ESYT2: variants seen among roughly 807,000 people sequenced by gnomAD.
ESYT2 encodes extended synaptotagmin 2.
ESYT2 carries 54 observed loss-of-function variants against 107.2 expected under a neutral mutation model. That is an observed-to-expected ratio of 0.50 (90% CI 0.40 to 0.63). ESYT2 has a LOEUF of 0.63. Among genes scored for constraint, ESYT2 ranks in the 30% least tolerant of loss-of-function variants. The probability of loss-of-function intolerance (pLI) is 0.00; values close to 1 mark genes in which losing one functional copy is unlikely to be tolerated. For missense variants in ESYT2, 1,020 were observed against 1,094.5 expected (o/e 0.93, Z 0.96); for synonymous variants, 491 against 434.1 (o/e 1.13, Z -1.63).
intron 4 of ESYT2, 80 bp from the exon 5 acceptor site, chr7:158,788,497 T>G (rs1839182827): frequency 2.4e-6 from 3 of 1,233,894 alleles, no homozygotes; most frequent in South Asian, 1.4e-5. Context: ...AGATGTATAA[T>G]CTGAATAAAA....
Position 158,793,597 on chromosome 7 carries a change from A to G in ESYT2, c.584+53T>C, listed in dbSNP as rs373028259. On this transcript the variant is annotated intron_variant, in intron 4 of 22. Transcript: ENST00000275418. ...ATCCTCCACCTTACAGGTACAGCTA[A>G]GTGACATTACACGCCATTAACCATA... 556 of 1,315,892 alleles carry G rather than the reference A, an allele frequency of 4.2e-4. 1 individual carries two copies. Among genetic ancestry groups the G allele is most frequent in the Non-Finnish European group, 5.6e-4 (514 of 914,598 alleles). The allele number at this position is 1,315,892 out of a possible 1,614,324, so 81.5% of individuals were successfully genotyped here.
intron 6 of ESYT2, among the ~76,000 whole-genome samples, chr7:158,785,720 T>C (rs911451880): frequency 2.0e-5 from 3 of 152,194 alleles, no homozygotes; most frequent in African/African-American, 7.2e-5. Flanking sequence ...AAAACCAGGC[T>C]GTCCAACACA....
intron 4 of ESYT2, among the ~76,000 whole-genome samples, chr7:158,789,766 T>C (rs1165438771): frequency 6.6e-6 from 1 of 152,208 alleles, no homozygotes; most frequent in Non-Finnish European, 1.5e-5. Flanking sequence ...GAATGCATAT[T>C]TGTTCAGAGA....
chr7:158,754,455 C>A (rs1837685734), intron 13 of ESYT2, among the ~76,000 whole-genome samples: 1 of 152,066 alleles, frequency 6.6e-6, no homozygotes, highest in Non-Finnish European at 1.5e-5. Flanking sequence ...TTGTGATCCA[C>A]CCACCTCAGC....
intron 4 of ESYT2, among the ~76,000 whole-genome samples, chr7:158,790,532 G>A (rs903033086): frequency 2.0e-5 from 3 of 152,186 alleles, no homozygotes; most frequent in Non-Finnish European, 2.9e-5. Flanking sequence ...GACCCTATGG[G>A]GGGTGTGGGG....
intron 1 of ESYT2, among the ~76,000 whole-genome samples, chr7:158,813,791 C>T (rs908456234): frequency 1.4e-4 from 21 of 152,196 alleles, no homozygotes; most frequent in African/African-American, 4.6e-4. Context: ...ATACGTTCCT[C>T]GTCCCGATGA....
At chr7:158,820,110 T>C (rs1840249814) in intron 1 of ESYT2, among the ~76,000 whole-genome samples, 1 of 152,238 alleles carries the variant, frequency 6.6e-6, no homozygotes, top group Non-Finnish European at 1.5e-5. Context: ...TATACTTTAC[T>C]AGCAACTACC....
intron 1 of ESYT2, among the ~76,000 whole-genome samples, chr7:158,806,709 A>G (rs936596120): frequency 1.3e-5 from 2 of 152,226 alleles, no homozygotes; most frequent in Non-Finnish European, 2.9e-5. Context: ...AGGTCACACA[A>G]TTATTTCATA....
chr7:158,740,223 C>G (rs998140368), intron 18 of ESYT2, among the ~76,000 whole-genome samples: 2 of 152,222 alleles, frequency 1.3e-5, no homozygotes, highest in African/African-American at 4.8e-5. Context: ...CACAGCTCCT[C>G]CTGGAACCTG....
At chr7:158,807,800 G>A (rs1839875968) in intron 1 of ESYT2, among the ~76,000 whole-genome samples, 1 of 152,124 alleles carries the variant, frequency 6.6e-6, no homozygotes, top group Admixed American at 6.5e-5. Flanking sequence ...ACTGAAATTT[G>A]AATTTCATAA....
In ESYT2 at chr7:158,741,530, G is replaced by A; in HGVS notation, c.2161C>T (p.Leu721=). The A allele has an allele frequency of 6.4e-7, 1 of 1,570,834 alleles. No homozygotes were observed. The highest frequency in any genetic ancestry group is 8.6e-7 in the Non-Finnish European group (1 of 1,165,366). ...ATGGTGGCACTTAGTTACTTTTCCAGCTGCCTCAGCCTTTGCCGCAGCTCC... is the reference window on the plus strand; with the variant it reads ...ATGGTGGCACTTAGTTACTTTTCCAACTGCCTCAGCCTTTGCCGCAGCTCC... ...TQELRQRLRQ[L]ENGTTLGQSP... is the part of the protein sequence containing the mutation. Residue 721 remains leucine, a synonymous_variant, in exon 18 of 23, where the codon CTG becomes TTG. Coordinates refer to ENST00000275418, the MANE Select transcript of ESYT2 (RefSeq NM_001367773.1).
rs1480524481 is a variant in ESYT2 at position 158,829,405 on chromosome 7, C to T, written c.14G>A (p.Arg5Gln). The change falls in exon 1 of 23, where the codon CGG becomes CAG. Residue 5 changes from arginine (R) to glutamine (Q), a missense_variant. By Grantham distance (43) the Arg-to-Gln change is conservative. Coordinates refer to ENST00000275418, the MANE Select transcript of ESYT2 (RefSeq NM_001367773.1). ...GGCGCCCGCCTCCGGGCCCTCGCCC[C>T]GGGCGCCGCTCATCGCCCCGCAGTG... Reference protein sequence around the residue: MSGARGEGPEAGAGG... With the variant: MSGAQGEGPEAGAGG... 7.3e-5 allele frequency: 88 copies of T among 1,202,392 alleles called. No individual in the cohort carries two copies. Among genetic ancestry groups the T allele is most frequent in the South Asian group, 1.2e-4 (3 of 25,598 alleles). The allele number at this position is 1,202,392 out of a possible 1,614,324, so 74.5% of individuals were successfully genotyped here. A position where few individuals can be genotyped will look rare whatever the true frequency, so the allele number is the denominator to read the frequency against.
intron 4 of ESYT2, among the ~76,000 whole-genome samples, chr7:158,789,335 C>T (rs1839207644): frequency 6.6e-6 from 1 of 152,112 alleles, no homozygotes; most frequent in Admixed American, 6.6e-5. Context: ...CTTTCCTTTT[C>T]TTCATTCTAT....
chr7:158,745,354 C>T (rs977265848), intron 16 of ESYT2, among the ~76,000 whole-genome samples: 2 of 152,126 alleles, frequency 1.3e-5, no homozygotes, highest in Non-Finnish European at 2.9e-5. Flanking sequence ...AAGAGAGGTT[C>T]AAGATACAAG....
chr7:158,755,257 C>T (rs576291514), intron 13 of ESYT2, among the ~76,000 whole-genome samples: 2 of 152,252 alleles, frequency 1.3e-5, no homozygotes, highest in Non-Finnish European at 2.9e-5. Flanking sequence ...GGCTCTCAGC[C>T]CTCTGGGGAA....
chr7:158,746,570 T>C (rs1184221508), intron 16 of ESYT2, among the ~76,000 whole-genome samples: 1 of 150,784 alleles, frequency 6.6e-6, no homozygotes, highest in Non-Finnish European at 1.5e-5. Flanking sequence ...GATACTGGCA[T>C]AAAGACAGAC....
intron 6 of ESYT2, among the ~76,000 whole-genome samples, chr7:158,776,579 A>G (rs750084546): frequency 6.6e-6 from 1 of 152,188 alleles, no homozygotes; most frequent in Non-Finnish European, 1.5e-5. Context: ...GTCTTCATAG[A>G]AGTGAAGATA....
intron 13 of ESYT2, among the ~76,000 whole-genome samples, chr7:158,755,491 A>G (rs1481661625): frequency 6.6e-6 from 1 of 152,228 alleles, no homozygotes; most frequent in Non-Finnish European, 1.5e-5. Context: ...GGGAAAAAGC[A>G]ACTTGGAAAA....
At chr7:158,758,943 G>A (rs1482304294) in intron 13 of ESYT2, among the ~76,000 whole-genome samples, 1 of 152,210 alleles carries the variant, frequency 6.6e-6, no homozygotes, top group Non-Finnish European at 1.5e-5. Context: ...GGCACAGAGT[G>A]TCTTGTATCT....
Sources: allele counts gnomAD v4.1 joint callset (sites outside exome capture counted in the v4.1 genomes callset), GRCh38; gene constraint gnomAD v4.1.1; transcripts MANE v1.5; gene names NCBI Gene and HGNC (gene_info 2026-07-23, HGNC 2026-07-21).